KHDRBS2: variants seen among roughly 807,000 people sequenced by gnomAD.
The protein encoded by KHDRBS2 is KH domain-containing, RNA-binding, signal transduction-associated protein 2.
KHDRBS2 carries 26 observed loss-of-function variants against 44.3 expected under a neutral mutation model. The observed-to-expected ratio is 0.59, with a 90% CI of 0.43 to 0.81. The LOEUF is 0.81. KHDRBS2 is among the 40% of genes least tolerant of loss of function. KHDRBS2 has a pLI of 0.00. For missense variants in KHDRBS2, 476 were observed against 433.1 expected (o/e 1.10, Z -0.88); for synonymous variants, 194 against 151.1 (o/e 1.28, Z -2.08).
At chr6:61,859,022 C>T (rs555076321) in intron 6 of KHDRBS2, among the ~76,000 whole-genome samples, 31 of 151,718 alleles carry the variant, frequency 2.0e-4, no homozygotes, top group African/African-American at 6.5e-4. Context: ...ATGAGAAATT[C>T]GGTGAAAGCT....
At chr6:61,784,762 T>A (rs533922768) in intron 6 of KHDRBS2, among the ~76,000 whole-genome samples, 5 of 152,314 alleles carry the variant, frequency 3.3e-5, no homozygotes, top group African/African-American at 1.2e-4. Context: ...ATTCTAAATC[T>A]ACATGTATCC....
chr6:61,925,537 G>A (rs1749104056), intron 4 of KHDRBS2, among the ~76,000 whole-genome samples: 1 of 152,036 alleles, frequency 6.6e-6, no homozygotes, highest in African/African-American at 2.4e-5. Flanking sequence ...GCAACGTAGT[G>A]AGACCTTGTC....
chr6:61,864,760 G>T (rs1797540710), intron 6 of KHDRBS2, among the ~76,000 whole-genome samples: 1 of 152,122 alleles, frequency 6.6e-6, no homozygotes, highest in South Asian at 2.1e-4. Flanking sequence ...TCTTCTCATG[G>T]AGTATCCTAC....
intron 6 of KHDRBS2, among the ~76,000 whole-genome samples, chr6:61,786,133 T>C (rs550240425): frequency 6.6e-6 from 1 of 152,106 alleles, no homozygotes; most frequent in South Asian, 2.1e-4. Flanking sequence ...TAAACAATGC[T>C]AGCCTTTAAA....
intron 2 of KHDRBS2, among the ~76,000 whole-genome samples, chr6:62,083,899 C>T (rs1174538453): frequency 2.0e-5 from 3 of 152,116 alleles, no homozygotes; most frequent in East Asian, 1.9e-4. Flanking sequence ...TATTATTGTC[C>T]TATTAGAAAC....
At chr6:61,857,020 T>C (rs1796254542) in intron 6 of KHDRBS2, among the ~76,000 whole-genome samples, 1 of 152,070 alleles carries the variant, frequency 6.6e-6, no homozygotes, top group African/African-American at 2.4e-5. Context: ...ATGTGAAGAA[T>C]GGATTTTAAA....
At chr6:62,250,423 C>T (rs1836320293) in intron 1 of KHDRBS2, among the ~76,000 whole-genome samples, 1 of 151,726 alleles carries the variant, frequency 6.6e-6, no homozygotes, top group South Asian at 2.1e-4. Context: ...AAATAGTGAA[C>T]TTCTATGAGG....
chr6:61,811,909 T>C (rs968639278), intron 6 of KHDRBS2, among the ~76,000 whole-genome samples: 1 of 152,106 alleles, frequency 6.6e-6, no homozygotes, highest in Non-Finnish European at 1.5e-5. Flanking sequence ...TCCAGTGTGA[T>C]TTAATCAAAA....
chr6:62,012,853 T>C (rs567855726), intron 3 of KHDRBS2, among the ~76,000 whole-genome samples: 3 of 152,164 alleles, frequency 2.0e-5, no homozygotes, highest in Non-Finnish European at 4.4e-5. Context: ...CATTTTCCTG[T>C]TTGCTTGCTT....
In KHDRBS2 at chr6:61,795,131, C is replaced by T. The variant is rs553799513; in HGVS notation, c.811-62367G>A. Among the ~76,000 whole-genome samples, 1,001 of 111,688 alleles carry T rather than the reference C, an allele frequency of 9.0e-3. 13 individuals carry two copies. The highest frequency in any genetic ancestry group is 0.066 in the South Asian group (234 of 3,534). 73.3% of individuals were successfully genotyped at this position (111,688 alleles called of 152,430 possible). A position where few individuals can be genotyped will look rare whatever the true frequency, so the allele number is the denominator to read the frequency against. On this transcript the variant is annotated intron_variant, in intron 6 of 8. Transcript: ENST00000281156. ...TCCAGCCTGGCGACTGGCAACAGAGCGAGACTCCGTCTCAAAAAAAAAAAA... is the reference window on the plus strand; with the variant it reads ...TCCAGCCTGGCGACTGGCAACAGAGTGAGACTCCGTCTCAAAAAAAAAAAA...
intron 1 of KHDRBS2, among the ~76,000 whole-genome samples, 173 bp from the exon 2 acceptor site, chr6:62,177,485 T>C (rs1439411073): frequency 6.6e-6 from 1 of 151,456 alleles, no homozygotes; most frequent in Non-Finnish European, 1.5e-5. Flanking sequence ...ATGTGAATGC[T>C]GCTACTGTAT....
At chr6:61,689,889 A>G (rs1478105607) in intron 8 of KHDRBS2, among the ~76,000 whole-genome samples, 1 of 151,996 alleles carries the variant, frequency 6.6e-6, no homozygotes, top group African/African-American at 2.4e-5. Context: ...ACATAGATAC[A>G]TATATATTTG....
intron 2 of KHDRBS2, among the ~76,000 whole-genome samples, chr6:62,149,159 A>AT (rs1170564224): frequency 2.6e-5 from 4 of 152,064 alleles, no homozygotes; most frequent in Admixed American, 1.3e-4. Context: ...CACTGCAGTC[A>AT]TTTTTTAAAA....
At chr6:62,136,484 C>T (rs1444797392) in intron 2 of KHDRBS2, among the ~76,000 whole-genome samples, 2 of 152,136 alleles carry the variant, frequency 1.3e-5, no homozygotes, top group Admixed American at 1.3e-4. Flanking sequence ...ACCATTAATA[C>T]ATTTTATTCT....
rs186720335 is a variant in KHDRBS2 at position 62,174,643 on chromosome 6, G to C, written c.219+2542C>G. ...TATCCAAAAAAAGTCATGTAGTAAA[G>C]TCTTGAGAGGGCCATTTCCCCAAGA... On this transcript the variant is annotated intron_variant, in intron 2 of 8. Transcript: ENST00000281156. Among the ~76,000 whole-genome samples the C allele has an allele frequency of 1.8e-3, 269 of 151,826 alleles. 7 individuals are homozygous for C. In the South Asian group the frequency reaches 0.051, roughly 29 times the overall value.
intron 6 of KHDRBS2, among the ~76,000 whole-genome samples, chr6:61,849,721 T>C (rs1007170717): frequency 9.2e-5 from 14 of 151,848 alleles, no homozygotes; most frequent in African/African-American, 2.9e-4. Context: ...ATATGAATCA[T>C]AGACCATGAT....
chr6:62,019,059 A>G (rs908186944), intron 3 of KHDRBS2, among the ~76,000 whole-genome samples: 1 of 152,082 alleles, frequency 6.6e-6, no homozygotes, highest in Non-Finnish European at 1.5e-5. Context: ...ATAATCCATT[A>G]TAAGGTGAAT....
At chr6:61,916,663 C>T (rs1323517397) in intron 4 of KHDRBS2, among the ~76,000 whole-genome samples, 1 of 151,802 alleles carries the variant, frequency 6.6e-6, no homozygotes, top group East Asian at 1.9e-4. Context: ...CCCAAATATA[C>T]AAAAAACTCA....
the KHDRBS2 span, among the ~76,000 whole-genome samples, chr6:61,556,412 C>A: frequency 2.0e-5 from 3 of 152,152 alleles, no homozygotes; most frequent in Non-Finnish European, 4.4e-5. Context: ...CTTATGGTGA[C>A]AAATACAAGT....
Sources: gnomAD v4.1 joint callset for allele counts (sites outside exome capture counted in the v4.1 genomes callset) on GRCh38, gnomAD v4.1.1 for gene constraint, MANE v1.5 for transcripts, NCBI Gene and HGNC (gene_info 2026-07-23, HGNC 2026-07-21) for gene names.